Variants in NUP133 observed in about 807,000 individuals in gnomAD.
NUP133 encodes nucleoporin 133.
In NUP133, 66 loss-of-function variants were observed where a neutral mutation model predicts 146.2. The observed-to-expected ratio is 0.45, with a 90% CI of 0.37 to 0.55. NUP133 has a LOEUF of 0.55. Ranked by LOEUF, NUP133 falls within the 20% of genes least tolerant of loss-of-function variation. The pLI, the probability that NUP133 is intolerant of heterozygous loss-of-function variation, is 0.00. For missense variants in NUP133, 1,277 were observed against 1,374.8 expected (o/e 0.93, Z 1.12); for synonymous variants, 521 against 498.8 (o/e 1.04, Z -0.59).
At chr1:229,496,529 G>A (rs1160381544) in intron 6 of NUP133, among the ~76,000 whole-genome samples, 4 of 152,122 alleles carry the variant, frequency 2.6e-5, no homozygotes, top group Admixed American at 6.6e-5. Context: ...GAGCTTGAGG[G>A]CAAGGTTGGA....
At chr1:229,489,830 C>A in intron 9 of NUP133, 125 bp downstream of exon 9, 1 of 783,418 alleles carries the variant, frequency 1.3e-6, no homozygotes, top group Non-Finnish European at 1.8e-6. Context: ...GAGCTGAGAT[C>A]AAGCCACTGC....
chr1:229,492,967 G>T (rs1457080934), intron 8 of NUP133, among the ~76,000 whole-genome samples: 1 of 151,984 alleles, frequency 6.6e-6, no homozygotes, highest in Non-Finnish European at 1.5e-5. Context: ...GCCCAAACTT[G>T]TAACATGTTG....
intron 8 of NUP133, among the ~76,000 whole-genome samples, chr1:229,490,950 TA>T (rs34883799): frequency 6.2e-4 from 84 of 135,424 alleles, no homozygotes; most frequent in South Asian, 1.0e-3. Context: ...CACCCCATCT[TA>T]AAAAAAAAAA....
At chr1:229,503,629 A>G (rs1054876779) in intron 2 of NUP133, among the ~76,000 whole-genome samples, 4 of 152,212 alleles carry the variant, frequency 2.6e-5, no homozygotes, top group Non-Finnish European at 4.4e-5. Flanking sequence ...AGGCATAGAC[A>G]ATGTACAAGC....
rs532938904 is a variant in NUP133 at position 229,453,883 on chromosome 1, CAT to C, written c.2981-1242_2981-1241del. 3.3e-4 allele frequency among the ~76,000 whole-genome samples: 50 copies of C among 151,952 alleles called. 1 individual carries two copies. The South Asian group carries it at 7.1e-3, about 21-fold the overall frequency. On this transcript the variant is annotated intron_variant, in intron 21 of 25. Transcript: ENST00000261396. Reference sequence around the variant, plus strand: ...TGGTAGTAAATGATAAAATAGACTACATATGTTTTATGTATTCATAACCTGTC... The same window carrying C: ...TGGTAGTAAATGATAAAATAGACTACATGTTTTATGTATTCATAACCTGTC...
intron 14 of NUP133, among the ~76,000 whole-genome samples, chr1:229,473,617 C>T (rs1241961462): frequency 6.6e-6 from 1 of 152,200 alleles, no homozygotes; most frequent in Non-Finnish European, 1.5e-5. Flanking sequence ...GACTTTGCCA[C>T]TCTTCCCATC....
intron 25 of NUP133, among the ~76,000 whole-genome samples, chr1:229,443,915 TTTTA>T (rs1479593740): frequency 5.1e-5 from 7 of 137,858 alleles, no homozygotes; most frequent in Non-Finnish European, 6.1e-5. Context: ...TTTTTTTTTT[TTTTA>T]AAATAGGGAC....
Position 229,465,487 on chromosome 1 carries a change from T to G in NUP133, c.2232A>C (p.Gln744His), listed in dbSNP as rs1426256831. Residue 744 changes from glutamine (Q) to histidine (H), a missense_variant, in exon 17 of 26, where the codon CAA (glutamine) becomes CAC (histidine). Physicochemically the swap from Gln to His is conservative, Grantham distance 24. Coordinates refer to ENST00000261396, the MANE Select transcript of NUP133 (RefSeq NM_018230.3). The stretch of plus-strand genomic sequence containing the variant: ...CTCTTCTATACAAAGAGTTTCTATT[T>G]TGGCGATAATGACTAGCAGCCTGCA... Reference protein sequence around the residue: ...DMLQAASHYRQNRNSLYRREE... With the variant: ...DMLQAASHYRHNRNSLYRREE... 6.2e-7 allele frequency: 1 copy of G among 1,614,062 alleles called. No homozygotes were observed. Among genetic ancestry groups the G allele is most frequent in the Non-Finnish European group, 8.5e-7 (1 of 1,179,954 alleles).
chr1:229,497,181 A>G (rs1166365809), intron 6 of NUP133, among the ~76,000 whole-genome samples: 2 of 152,232 alleles, frequency 1.3e-5, no homozygotes, highest in Admixed American at 1.3e-4. Context: ...AGGGCATAAC[A>G]TCAAAAGCAG....
At position 229,501,966 on chromosome 1, in the gene NUP133, C is replaced by CT. The variant is rs768411455; in HGVS notation, c.405+32dup. On this transcript the variant is annotated intron_variant, in intron 3 of 25. Coordinates refer to ENST00000261396, the MANE Select transcript of NUP133 (RefSeq NM_018230.3). The stretch of plus-strand genomic sequence containing the variant: ...AAAAGTCAATTGGCATTCCTCTCCT[C>CT]TATCTTGTTCCAGCTCTCTAAAGAG... 4 of 1,480,430 alleles carry CT rather than the reference C, an allele frequency of 2.7e-6. No homozygotes were observed. In the South Asian group the frequency reaches 3.4e-5, roughly 13 times the overall value. The allele number at this position is 1,480,430 out of a possible 1,614,324, so 91.7% of individuals were successfully genotyped here. A position where few individuals can be genotyped will look rare whatever the true frequency, so the allele number is the denominator to read the frequency against.
At chr1:229,460,896 T>C in intron 19 of NUP133, 127 bp from the exon 20 acceptor site, 1 of 713,018 alleles carries the variant, frequency 1.4e-6, no homozygotes, top group Non-Finnish European at 2.3e-6. Context: ...ATTTCCTATA[T>C]TGTAGGATCA....
chr1:229,466,493 T>C lies in NUP133; in HGVS notation c.2199+141A>G, dbSNP rs1660830817. On this transcript the variant is annotated intron_variant, in intron 16 of 25. Coordinates refer to ENST00000261396, the MANE Select transcript of NUP133 (RefSeq NM_018230.3). ...TTAGCTGATTAATAATAAAATGACA[T>C]TTTTCTAACTTTTTTGGGATTAACA... 8.0e-6 allele frequency: 6 copies of C among 746,296 alleles called. No individual in the cohort carries two copies. The South Asian group carries it at 1.7e-4, about 21-fold the overall frequency. 46.2% of individuals were successfully genotyped at this position (746,296 alleles called of 1,614,324 possible).
At chr1:229,443,723 A>ATTTTT (rs71561738) in intron 25 of NUP133, among the ~76,000 whole-genome samples, 11 of 116,158 alleles carry the variant, frequency 9.5e-5, no homozygotes, top group East Asian at 4.6e-4. Flanking sequence ...CACATATATA[A>ATTTTT]TTTTTTTTTT....
At chr1:229,442,094 G>T in intron 25 of NUP133, 54 bp from the exon 26 acceptor site, 1 of 1,496,594 alleles carries the variant, frequency 6.7e-7, no homozygotes, top group Non-Finnish European at 8.9e-7. Flanking sequence ...ATGCTCAAAT[G>T]AATTCTGATG....
chr1:229,461,222 A>T (rs1315780020), intron 19 of NUP133, among the ~76,000 whole-genome samples: 3 of 152,188 alleles, frequency 2.0e-5, no homozygotes, highest in Non-Finnish European at 4.4e-5. Flanking sequence ...GTAACATTCC[A>T]GAATTCTGCG....
intron 21 of NUP133, among the ~76,000 whole-genome samples, chr1:229,456,180 A>ACCACACAT (rs1335527621): frequency 1.3e-5 from 2 of 152,176 alleles, no homozygotes; most frequent in African/African-American, 2.4e-5. Context: ...GTGGTACACA[A>ACCACACAT]TGTGGTTTGT....
intron 21 of NUP133, among the ~76,000 whole-genome samples, chr1:229,454,320 C>T (rs749853996): frequency 6.6e-5 from 10 of 152,168 alleles, no homozygotes; most frequent in Non-Finnish European, 1.3e-4. Flanking sequence ...ACACAGCATT[C>T]ACAGCAAAAC....
At position 229,508,014 on chromosome 1, in the gene NUP133, C is replaced by T. The variant is rs925522609; in HGVS notation, c.182+54G>A. Reference sequence around the variant, plus strand: ...TCTAAAGACAACAACCTATCCGGCCCACTGCGGCCCGTGAGGCTGTTGGTT... The same window carrying T: ...TCTAAAGACAACAACCTATCCGGCCTACTGCGGCCCGTGAGGCTGTTGGTT... On this transcript the variant is annotated intron_variant, in intron 1 of 25. Coordinates refer to ENST00000261396, the MANE Select transcript of NUP133 (RefSeq NM_018230.3). The T allele has an allele frequency of 1.3e-5, 19 of 1,407,812 alleles. No homozygotes were observed. In the Admixed American group the frequency reaches 5.5e-4, roughly 41 times the overall value. 87.2% of individuals were successfully genotyped at this position (1,407,812 alleles called of 1,614,324 possible).
rs2102748517 is a variant in NUP133 at position 229,450,730 on chromosome 1, TG to T, written c.3100-126del. On this transcript the variant is annotated intron_variant, in intron 22 of 25. Coordinates refer to ENST00000261396, the MANE Select transcript of NUP133 (RefSeq NM_018230.3). ...GTAGTTTGTTTTTTGTTTGTTTGTT[TG>T]TTTGTTTTTTTTGAGACAAAGTCTT... 1.2e-5 allele frequency: 6 copies of T among 500,606 alleles called. No individual in the cohort carries two copies. The South Asian group carries it at 1.8e-4, about 15-fold the overall frequency. The allele number at this position is 500,606 out of a possible 1,614,324, so 31.0% of individuals were successfully genotyped here.
Sources: gnomAD v4.1 joint callset for allele counts (sites outside exome capture counted in the v4.1 genomes callset) on GRCh38, gnomAD v4.1.1 for gene constraint, MANE v1.5 for transcripts, NCBI Gene and HGNC (gene_info 2026-07-23, HGNC 2026-07-21) for gene names.